The following USB1 variants were observed in gnomAD, a reference collection of about 807,000 sequenced individuals.
The protein encoded by USB1 is U6 snRNA phosphodiesterase 1.
A neutral mutation model predicts 29.9 loss-of-function variants in USB1; 21 were observed. The observed-to-expected ratio is 0.70, with a 90% CI of 0.50 to 1.01. The LOEUF (loss-of-function observed/expected upper bound fraction) is 1.01. USB1 is among the 50% of genes least tolerant of loss of function. The probability of loss-of-function intolerance (pLI) is 0.00; values close to 1 mark genes in which losing one functional copy is unlikely to be tolerated. For missense variants in USB1, 330 were observed against 347.1 expected (o/e 0.95, Z 0.39); for synonymous variants, 143 against 134.9 (o/e 1.06, Z -0.42).
At chr16:58,001,613 C>T (rs1260768898) in intron 1 of USB1, 32 bp downstream of exon 1, 1 of 1,576,474 alleles carries the variant, frequency 6.3e-7, no homozygotes, top group Non-Finnish European at 8.6e-7. Context: ...CCGGAGGGCG[C>T]GCGCATTCAC....
intron 2 of USB1, among the ~76,000 whole-genome samples, chr16:58,006,765 G>A (rs1173779660): frequency 6.6e-6 from 1 of 152,188 alleles, no homozygotes; most frequent in Non-Finnish European, 1.5e-5. Flanking sequence ...AGTATGAGTT[G>A]AAAAGCAATA....
At chr16:58,008,470 T>G (rs1349826153) in intron 2 of USB1, among the ~76,000 whole-genome samples, 5 of 149,594 alleles carry the variant, frequency 3.3e-5, no homozygotes, top group South Asian at 2.1e-4. Flanking sequence ...TTTTTTTTTT[T>G]TGTGAGGGAG....
At chr16:58,004,469 A>C (rs1031300692) in intron 2 of USB1, among the ~76,000 whole-genome samples, 26 of 151,874 alleles carry the variant, frequency 1.7e-4, no homozygotes, top group African/African-American at 6.3e-4. Context: ...TTTTAGAGAT[A>C]GGGTCTCACT....
chr16:58,019,651 C>T (rs1205795367), intron 6 of USB1, among the ~76,000 whole-genome samples: 1 of 152,006 alleles, frequency 6.6e-6, no homozygotes, highest in Admixed American at 6.5e-5. Flanking sequence ...GAAGATTGGC[C>T]TAGAGTTGCC....
chr16:58,005,247 A>T (rs1432747137), intron 2 of USB1, among the ~76,000 whole-genome samples: 2 of 152,044 alleles, frequency 1.3e-5, no homozygotes, highest in African/African-American at 4.8e-5. Context: ...GGCCTAACTG[A>T]TGTTAGGCCC....
upstream of USB1, chr16:58,001,385 C>A (rs1219733420): frequency 7.0e-6 from 10 of 1,428,452 alleles, no homozygotes; most frequent in Admixed American, 1.6e-4. Context: ...GGTGCCAGCC[C>A]AGGCCCCGCC....
chr16:58,011,927 A>G, intron 3 of USB1: 1 of 1,033,236 alleles, frequency 9.7e-7, no homozygotes, highest in Non-Finnish European at 1.2e-6. Context: ...TCTACTGTTG[A>G]TACTAGAAGG....
intron 4 of USB1, chr16:58,015,373 A>G (rs1233961562): frequency 6.6e-6 from 1 of 152,244 alleles, no homozygotes; most frequent in Non-Finnish European, 1.5e-5. Flanking sequence ...TTAAAGTGTT[A>G]GATGAACATA....
chr16:58,002,370 C>T, intron 1 of USB1, 109 bp from the exon 2 acceptor site: 1 of 1,542,632 alleles, frequency 6.5e-7, no homozygotes, highest in Admixed American at 1.7e-5. Flanking sequence ...AGGCTGGAAA[C>T]ACACACTCAG....
In USB1 at chr16:58,013,718, C is replaced by A; in HGVS notation, c.450-555C>A. On this transcript the variant is annotated intron_variant, in intron 3 of 6. Coordinates refer to ENST00000219281, the MANE Select transcript of USB1 (RefSeq NM_024598.4). This position sits in a 1 kb window ranked among gnomAD's most constrained non-coding sequence, Gnocchi z 4.3. ...AACAGGCAGACTGACTGTTCCAATCCTGGCTCACCAAATTCAGCTTCACCA... is the reference window on the plus strand; with the variant it reads ...AACAGGCAGACTGACTGTTCCAATCATGGCTCACCAAATTCAGCTTCACCA... The A allele has an allele frequency of 1.3e-6, 1 of 747,062 alleles. No individual in the cohort carries two copies. The highest frequency in any genetic ancestry group is 1.6e-6 in the Non-Finnish European group (1 of 610,144). The allele number at this position is 747,062 out of a possible 1,614,324, so 46.3% of individuals were successfully genotyped here. A position where few individuals can be genotyped will look rare whatever the true frequency, so the allele number is the denominator to read the frequency against.
intron 3 of USB1, chr16:58,012,767 G>T: frequency 9.8e-7 from 1 of 1,021,158 alleles, no homozygotes; most frequent in South Asian, 4.1e-5. Flanking sequence ...GCTGATGACT[G>T]GCACACTGCA....
rs56262437 is a variant in USB1, at chr16:58,008,453, C to CTTTTT, written c.266-1462_266-1458dup. Among the ~76,000 whole-genome samples, 342 of 114,770 alleles carry CTTTTT rather than the reference C, an allele frequency of 3.0e-3. 1 individual carries two copies. Among genetic ancestry groups the CTTTTT allele is most frequent in the Non-Finnish European group, 3.8e-3 (208 of 54,258 alleles). The allele number at this position is 114,770 out of a possible 152,430, so 75.3% of individuals were successfully genotyped here. A position where few individuals can be genotyped will look rare whatever the true frequency, so the allele number is the denominator to read the frequency against. On this transcript the variant is annotated intron_variant, in intron 2 of 6. Coordinates refer to ENST00000219281, the MANE Select transcript of USB1 (RefSeq NM_024598.4). ...ATTGACTTTAGATCTTTTTCTTTTT[C>CTTTTT]TTTTTTTTTTTTTTTTTTGTGAGGG...
intron 2 of USB1, among the ~76,000 whole-genome samples, chr16:58,008,129 C>T (rs1268828802): frequency 6.6e-6 from 1 of 152,134 alleles, no homozygotes; most frequent in East Asian, 1.9e-4. Flanking sequence ...TAAAGTTATT[C>T]ATGGTATTCT....
At chr16:57,999,710 C>T (rs1350108292), upstream of USB1, 2 of 152,444 alleles carry the variant, frequency 1.3e-5, no homozygotes, top group African/African-American at 2.4e-5. Flanking sequence ...AAGCTGTCAT[C>T]CTCAGCATCT....
rs777259416 is a variant in USB1 at position 58,002,657 on chromosome 16, G to C, written c.265+12G>C. On this transcript the variant is annotated intron_variant, in intron 2 of 6. Transcript: ENST00000219281. ...CGTCTATGTACCATGTGAGTGATGT[G>C]TGAAAGGCAAGTTGCCAAGACCCAT... is the stretch of plus-strand genomic sequence containing the variant. The C allele has an allele frequency of 2.5e-6, 4 of 1,613,708 alleles. No homozygotes were observed. The South Asian group carries it at 3.3e-5, about 13-fold the overall frequency.
Position 58,019,075 on chromosome 16 carries a change from G to C in USB1, c.693+20G>C, listed in dbSNP as rs763075212. The C allele has an allele frequency of 6.2e-7, 1 of 1,612,924 alleles. No homozygotes were observed. Among genetic ancestry groups the C allele is most frequent in the South Asian group, 1.1e-5 (1 of 90,900 alleles). ...CTACAGGTGAATTTCCAGGGCGGGA[G>C]CACAGAGGGCGCTGAACTCCAGAAA... On this transcript the variant is annotated intron_variant, in intron 6 of 6. Transcript: ENST00000219281.
chr16:58,015,370 G>A (rs1963592092), intron 4 of USB1: 1 of 152,218 alleles, frequency 6.6e-6, no homozygotes, highest in African/African-American at 2.4e-5. Context: ...GTATTAAAGT[G>A]TTAGATGAAC....
intron 2 of USB1, among the ~76,000 whole-genome samples, chr16:58,007,001 A>G (rs1481180887): frequency 6.6e-6 from 1 of 152,154 alleles, no homozygotes; most frequent in African/African-American, 2.4e-5. Context: ...TAGCCTATTG[A>G]TTGGATGGAT....
upstream of USB1, chr16:58,000,291 C>T (rs574945733): frequency 6.6e-6 from 1 of 152,066 alleles, no homozygotes; most frequent in Non-Finnish European, 1.5e-5. The surrounding 1 kb of genome is among the most constrained non-coding windows in gnomAD (Gnocchi z 4.5). Flanking sequence ...CTCAAGAGGC[C>T]GCTAGGTCGC....
Sources: allele counts gnomAD v4.1 joint callset (sites outside exome capture counted in the v4.1 genomes callset), GRCh38; gene constraint gnomAD v4.1.1; non-coding constraint Gnocchi (gnomAD v3.1); transcripts MANE v1.5; gene names NCBI Gene and HGNC (gene_info 2026-07-23, HGNC 2026-07-21).